The following PRKG1 variants were observed in gnomAD, a reference collection of about 807,000 sequenced individuals.
The protein encoded by PRKG1 is cGMP-dependent protein kinase 1.
In PRKG1, 35 loss-of-function variants were observed where a neutral mutation model predicts 88.1. The ratio of observed to expected loss-of-function variants is 0.40; its 90% CI spans 0.30 to 0.53. The LOEUF (loss-of-function observed/expected upper bound fraction) is 0.53. PRKG1 is among the 20% of genes least tolerant of loss of function. PRKG1 has a pLI of 0.59. For synonymous variants in PRKG1, 303 were observed against 292.5 expected (o/e 1.04, Z -0.37); for missense variants, 540 against 839.8 (o/e 0.64, Z 4.41).
At chr10:51,286,106 G>C (rs1272459996) in intron 2 of PRKG1, among the ~76,000 whole-genome samples, 3 of 152,152 alleles carry the variant, frequency 2.0e-5, no homozygotes, top group Non-Finnish European at 4.4e-5. Flanking sequence ...GAGTAGCTGG[G>C]ATTACAGGCC....
At chr10:51,938,918 A>G (rs929238124) in intron 5 of PRKG1, among the ~76,000 whole-genome samples, 10 of 152,024 alleles carry the variant, frequency 6.6e-5, no homozygotes, top group African/African-American at 2.4e-4. Flanking sequence ...TATTAATACT[A>G]TTTTATCATT....
chr10:51,838,645 T>A (rs942229936), intron 4 of PRKG1, among the ~76,000 whole-genome samples: 5 of 152,194 alleles, frequency 3.3e-5, no homozygotes, highest in African/African-American at 1.2e-4. Context: ...TCTTCTTTGT[T>A]CTTTTTGTCT....
At chr10:51,862,594 T>A (rs913765221) in intron 4 of PRKG1, among the ~76,000 whole-genome samples, 1 of 152,120 alleles carries the variant, frequency 6.6e-6, no homozygotes, top group Non-Finnish European at 1.5e-5. Flanking sequence ...TGCATGATGA[T>A]TGGTCCATGG....
upstream of PRKG1, chr10:51,074,369 G>A (rs538813988): frequency 2.0e-5 from 25 of 1,237,332 alleles, no homozygotes; most frequent in Middle Eastern, 2.9e-4. Context: ...CCCGCTCTGA[G>A]CCTCACAGCC....
At chr10:52,275,798 C>T (rs529390897) in intron 12 of PRKG1, among the ~76,000 whole-genome samples, 33 of 152,206 alleles carry the variant, frequency 2.2e-4, no homozygotes, top group African/African-American at 7.5e-4. Flanking sequence ...ATTGATTCTA[C>T]CCACACATGA....
intron 3 of PRKG1, among the ~76,000 whole-genome samples, chr10:51,724,794 T>C (rs1157547041): frequency 1.3e-5 from 2 of 151,412 alleles, no homozygotes; most frequent in Non-Finnish European, 2.9e-5. Context: ...TCCTGGGCTC[T>C]CAATCCGTCC....
chr10:51,588,988 G>A (rs1350217508), intron 3 of PRKG1, among the ~76,000 whole-genome samples: 1 of 151,808 alleles, frequency 6.6e-6, no homozygotes, highest in Non-Finnish European at 1.5e-5. Context: ...CTGTTTTTTT[G>A]GAGAGGGTTA....
At chr10:51,151,869 T>C (rs1328016068) in intron 1 of PRKG1, among the ~76,000 whole-genome samples, 2 of 152,100 alleles carry the variant, frequency 1.3e-5, no homozygotes, top group East Asian at 3.9e-4. Context: ...CTCCCAGAAA[T>C]GGGGAGGGAA....
chr10:51,484,790 C>G (rs1202535701), intron 3 of PRKG1, among the ~76,000 whole-genome samples: 3 of 152,082 alleles, frequency 2.0e-5, no homozygotes, highest in African/African-American at 7.2e-5. Flanking sequence ...AATTGTTATG[C>G]CTGAGTATTT....
At chr10:51,529,929 A>G (rs1369609076) in intron 3 of PRKG1, among the ~76,000 whole-genome samples, 1 of 152,190 alleles carries the variant, frequency 6.6e-6, no homozygotes, top group Non-Finnish European at 1.5e-5. Context: ...GATTTAATTA[A>G]TTGTAATTAT....
intron 5 of PRKG1, among the ~76,000 whole-genome samples, chr10:52,001,679 A>C (rs1002388652): frequency 6.6e-6 from 1 of 152,034 alleles, no homozygotes; most frequent in Non-Finnish European, 1.5e-5. Context: ...AATACTTAAA[A>C]ATGTATTGAA....
intron 3 of PRKG1, among the ~76,000 whole-genome samples, chr10:51,773,961 G>A (rs1355298534): frequency 2.0e-5 from 3 of 152,062 alleles, no homozygotes; most frequent in African/African-American, 7.2e-5. Context: ...TGGAATATGG[G>A]AGAAAAACAA....
intron 4 of PRKG1, among the ~76,000 whole-genome samples, chr10:51,856,702 A>G (rs887193069): frequency 1.3e-5 from 2 of 151,974 alleles, no homozygotes; most frequent in Admixed American, 6.6e-5. Flanking sequence ...ATGGTGGCTT[A>G]CGCCTGTAAT....
intron 5 of PRKG1, among the ~76,000 whole-genome samples, chr10:52,036,540 G>A (rs1196905801): frequency 1.3e-5 from 2 of 151,992 alleles, no homozygotes; most frequent in African/African-American, 2.4e-5. Context: ...GGGTGATTAG[G>A]TTTTAATGAG....
chr10:51,286,038 T>G (rs1589316237), intron 2 of PRKG1, among the ~76,000 whole-genome samples: 1 of 152,290 alleles, frequency 6.6e-6, no homozygotes, highest in South Asian at 2.1e-4. Flanking sequence ...TGGTGCAATC[T>G]TGGCTCACTG....
upstream of PRKG1, among the ~76,000 whole-genome samples, chr10:51,070,651 T>C (rs1843813698): frequency 6.6e-6 from 1 of 152,172 alleles, no homozygotes; most frequent in African/African-American, 2.4e-5. Context: ...GATTTATTTT[T>C]GAATAGCCAG....
At chr10:51,891,158 G>A (rs1841710248) in intron 4 of PRKG1, among the ~76,000 whole-genome samples, 1 of 152,114 alleles carries the variant, frequency 6.6e-6, no homozygotes, top group Admixed American at 6.5e-5. Context: ...CAGCTACTTG[G>A]GAGGCTGAAG....
At chr10:52,155,614 A>T (rs1375484335) in intron 8 of PRKG1, among the ~76,000 whole-genome samples, 3 of 151,954 alleles carry the variant, frequency 2.0e-5, no homozygotes, top group African/African-American at 7.2e-5. Context: ...ACTGAAAAAA[A>T]ATCAAGGAGG....
At chr10:51,348,604 G>A (rs1842167675) in intron 2 of PRKG1, among the ~76,000 whole-genome samples, 1 of 152,176 alleles carries the variant, frequency 6.6e-6, no homozygotes, top group African/African-American at 2.4e-5. Context: ...TTTTTTACCA[G>A]ATTGTCTCTC....
Sources: gnomAD v4.1 joint callset for allele counts (sites outside exome capture counted in the v4.1 genomes callset) on GRCh38, gnomAD v4.1.1 for gene constraint, MANE v1.5 for transcripts, NCBI Gene and HGNC (gene_info 2026-07-23, HGNC 2026-07-21) for gene names.